The following IL1RAPL2 variants were observed in gnomAD, a reference collection of about 807,000 sequenced individuals.
IL1RAPL2 encodes X-linked interleukin-1 receptor accessory protein-like 2.
IL1RAPL2 carries 3 observed loss-of-function variants against 44.1 expected under a neutral mutation model. The observed-to-expected ratio is 0.07, with a 90% CI of 0.03 to 0.18. The LOEUF (loss-of-function observed/expected upper bound fraction) is 0.18. Among genes scored for constraint, IL1RAPL2 ranks in the 10% least tolerant of loss-of-function variants. IL1RAPL2 has a pLI of 1.00. For synonymous variants in IL1RAPL2, 181 were observed against 178.8 expected, an observed-to-expected ratio of 1.01 and a Z score of -0.10; for missense variants, 391 against 496.4, an observed-to-expected ratio of 0.79 and a Z score of 2.02.
rs149154106 is a variant in IL1RAPL2, at chrX:104,773,548, C to T, written c.82+114553C>T. Among the ~76,000 whole-genome samples the T allele has an allele frequency of 3.5e-3, 396 of 111,793 alleles. 1 individual carries two copies. Among genetic ancestry groups the T allele is most frequent in the Non-Finnish European group, 5.4e-3 (285 of 53,209 alleles). On this transcript the variant is annotated intron_variant, in intron 2 of 10. Coordinates refer to ENST00000372582, the MANE Select transcript of IL1RAPL2 (RefSeq NM_017416.2). Reference sequence around the variant, plus strand: ...GAGGTAGGCCTAAGCCAATTAGAGCCTTACATTTCCATAGGCTTCAATGAT... The same window carrying T: ...GAGGTAGGCCTAAGCCAATTAGAGCTTTACATTTCCATAGGCTTCAATGAT...
At chrX:105,198,972 A>G (rs1603003904) in intron 3 of IL1RAPL2, among the ~76,000 whole-genome samples, 1 of 111,667 alleles carries the variant, frequency 9.0e-6, no homozygotes, top group African/African-American at 3.3e-5. Context: ...TGATGTTTAT[A>G]ATTTTTCATT....
chrX:105,355,475 G>A (rs746488977), intron 5 of IL1RAPL2, among the ~76,000 whole-genome samples: 1 of 111,167 alleles, frequency 9.0e-6, no homozygotes, highest in South Asian at 3.8e-4. Context: ...CAGTTTGGGT[G>A]CGCCGTAGCA....
At chrX:104,683,798 T>G (rs1229526302) in intron 2 of IL1RAPL2, among the ~76,000 whole-genome samples, 2 of 112,196 alleles carry the variant, frequency 1.8e-5, no homozygotes, top group Non-Finnish European at 3.8e-5. Flanking sequence ...GTGAAAATTA[T>G]GAGCCCAGGA....
chrX:105,282,029 G>C (rs1227575142), intron 5 of IL1RAPL2, among the ~76,000 whole-genome samples: 1 of 111,541 alleles, frequency 9.0e-6, no homozygotes, highest in South Asian at 3.7e-4. Context: ...AAAAAGCAAA[G>C]AGCCATATAA....
At chrX:104,567,596 G>T (rs964315535) in intron 1 of IL1RAPL2, among the ~76,000 whole-genome samples, 1 of 112,313 alleles carries the variant, frequency 8.9e-6, no homozygotes, top group African/African-American at 3.2e-5. Context: ...GAGCCTGAAG[G>T]TACTTCCCCT....
intron 2 of IL1RAPL2, among the ~76,000 whole-genome samples, chrX:104,707,416 A>C (rs931668195): frequency 1.8e-5 from 2 of 111,888 alleles, no homozygotes; most frequent in African/African-American, 6.5e-5. Context: ...GAGTTCCAAC[A>C]GTAGGCGTTA....
At chrX:104,977,303 C>A (rs2030356938) in intron 2 of IL1RAPL2, among the ~76,000 whole-genome samples, 1 of 112,121 alleles carries the variant, frequency 8.9e-6, no homozygotes, top group African/African-American at 3.2e-5. Flanking sequence ...CAAGGTGGTA[C>A]TACTGTGGAC....
chrX:104,614,895 G>A (rs959477827), intron 1 of IL1RAPL2, among the ~76,000 whole-genome samples: 4 of 111,352 alleles, frequency 3.6e-5, no homozygotes, highest in African/African-American at 1.3e-4. Context: ...TGTGAGATGG[G>A]TCTCTTAAGA....
intron 2 of IL1RAPL2, among the ~76,000 whole-genome samples, chrX:105,026,439 T>C (rs1320314028): frequency 9.0e-6 from 1 of 110,553 alleles, no homozygotes; most frequent in African/African-American, 3.3e-5. Flanking sequence ...TATAATCTTA[T>C]ATTTGAAAAA....
chrX:105,234,047 T>C (rs1775972388), intron 4 of IL1RAPL2, 43 bp downstream of exon 4: 2 of 1,064,699 alleles, frequency 1.9e-6, no homozygotes, highest in African/African-American at 3.7e-5. Flanking sequence ...CCTCAGTCAA[T>C]AGCAGTCTTG....
At chrX:105,421,986 A>G (rs993448048) in intron 5 of IL1RAPL2, among the ~76,000 whole-genome samples, 3 of 112,370 alleles carry the variant, frequency 2.7e-5, no homozygotes, top group Non-Finnish European at 5.6e-5. Context: ...GAATCTAACA[A>G]CACGTTTACT....
intron 2 of IL1RAPL2, among the ~76,000 whole-genome samples, chrX:105,132,286 A>T (rs781514009): frequency 6.3e-5 from 7 of 111,182 alleles, no homozygotes; most frequent in Non-Finnish European, 1.1e-4. Context: ...ATTTAAAAAA[A>T]ACACAGTTGG....
intron 5 of IL1RAPL2, among the ~76,000 whole-genome samples, chrX:105,377,168 C>A (rs60334458): frequency 0.13 from 14,532 of 111,040 alleles, 2,319 homozygotes; most frequent in African/African-American, 0.45. Context: ...CAAATGGGGG[C>A]AAACTTGATA....
chrX:105,338,272 A>G (rs1351976486), intron 5 of IL1RAPL2, among the ~76,000 whole-genome samples: 1 of 111,974 alleles, frequency 8.9e-6, no homozygotes, highest in Non-Finnish European at 1.9e-5. Flanking sequence ...TCAGGATTGT[A>G]ACTAGAATTA....
chrX:105,536,595 A>AT, intron 6 of IL1RAPL2, among the ~76,000 whole-genome samples: 1 of 110,681 alleles, frequency 9.0e-6, no homozygotes, highest in Middle Eastern at 4.7e-3. Flanking sequence ...TGTGGTTTTG[A>AT]TTTTTTCTTT....
At chrX:104,907,610 G>T (rs1354949917) in intron 2 of IL1RAPL2, among the ~76,000 whole-genome samples, 19 of 111,689 alleles carry the variant, frequency 1.7e-4, no homozygotes, top group African/African-American at 2.9e-4. Flanking sequence ...TAGTTGAGTG[G>T]TTTTGAGTGA....
chrX:104,763,151 T>C (rs1210763587), intron 2 of IL1RAPL2, among the ~76,000 whole-genome samples: 4 of 111,692 alleles, frequency 3.6e-5, no homozygotes, highest in African/African-American at 1.3e-4. Context: ...CTAAATCATC[T>C]CTCTCAAGTT....
intron 2 of IL1RAPL2, among the ~76,000 whole-genome samples, chrX:104,873,856 G>T (rs1922828745): frequency 1.8e-5 from 2 of 111,531 alleles, no homozygotes; most frequent in African/African-American, 3.3e-5. Flanking sequence ...GTATATAGAG[G>T]CTTGAAAATC....
chrX:105,575,125 C>T (rs998844796), intron 6 of IL1RAPL2, among the ~76,000 whole-genome samples: 2 of 111,897 alleles, frequency 1.8e-5, no homozygotes, highest in African/African-American at 6.5e-5. Context: ...AATAAACCTG[C>T]AGTTCCAACA....
Sources: gnomAD v4.1 joint callset for allele counts (sites outside exome capture counted in the v4.1 genomes callset) on GRCh38, gnomAD v4.1.1 for gene constraint, MANE v1.5 for transcripts, NCBI Gene and HGNC (gene_info 2026-07-23, HGNC 2026-07-21) for gene names.